The following PCYT1A variants were observed in gnomAD, a reference collection of about 807,000 sequenced individuals.
PCYT1A encodes phosphate cytidylyltransferase 1A, choline.
Under a neutral mutation model 43.7 loss-of-function variants are expected in PCYT1A, and 25 were observed. That is an observed-to-expected ratio of 0.57 (90% CI 0.42 to 0.80). The LOEUF (loss-of-function observed/expected upper bound fraction) is 0.80, where lower values mean the gene tolerates loss of function less well. Ranked by LOEUF, PCYT1A falls within the 30% of genes least tolerant of loss-of-function variation. The pLI is 0.00. For synonymous variants in PCYT1A, 172 were observed against 170.7 expected (o/e 1.01, Z -0.06); for missense variants, 421 against 474.2 (o/e 0.89, Z 1.04).
Position 196,247,966 on chromosome 3 carries a change from G to A in PCYT1A, c.334+241C>T, listed in dbSNP as rs1724622155. 1.8e-6 allele frequency: 1 copy of A among 545,310 alleles called. No homozygotes were observed. The highest frequency in any genetic ancestry group is 2.1e-5 in the South Asian group (1 of 48,384). 33.8% of individuals were successfully genotyped at this position (545,310 alleles called of 1,614,324 possible). A position where few individuals can be genotyped will look rare whatever the true frequency, so the allele number is the denominator to read the frequency against. On this transcript the variant is annotated intron_variant, in intron 4 of 8. Coordinates refer to ENST00000431016, the MANE Select transcript of PCYT1A (RefSeq NM_001312673.2). The surrounding 1 kb of genome is among the most constrained non-coding windows in gnomAD (Gnocchi z 4.8). Reference sequence around the variant, plus strand: ...GACAACGGAAGTCACGGCTGCTCCTGTGACCACAGAAACTCAGCTACAAGC... The same window carrying A: ...GACAACGGAAGTCACGGCTGCTCCTATGACCACAGAAACTCAGCTACAAGC...
Position 196,239,741 on chromosome 3 carries a change from T to A in PCYT1A, c.709-6A>T. On this transcript the variant is annotated splice_polypyrimidine_tract_variant and splice_region_variant and intron_variant, in intron 7 of 8. Coordinates refer to ENST00000431016, the MANE Select transcript of PCYT1A (RefSeq NM_001312673.2). ...TGCAAGTGGTATTTCTTCTCCTAGATAAAGAAATAACTCTTCTGAGAAATA... is the reference window on the plus strand; with the variant it reads ...TGCAAGTGGTATTTCTTCTCCTAGAAAAAGAAATAACTCTTCTGAGAAATA... 6.4e-7 allele frequency: 1 copy of A among 1,572,014 alleles called. No homozygotes were observed. Among genetic ancestry groups the A allele is most frequent in the Non-Finnish European group, 8.8e-7 (1 of 1,142,150 alleles).
intron 2 of PCYT1A, among the ~76,000 whole-genome samples, chr3:196,263,579 G>A (rs546232613): frequency 6.6e-6 from 1 of 152,132 alleles, no homozygotes; most frequent in Admixed American, 6.6e-5. Flanking sequence ...TGTGGTATGA[G>A]AAAGAAGGGA....
chr3:196,257,430 A>ATT (rs1035299673), intron 3 of PCYT1A, among the ~76,000 whole-genome samples: 14 of 152,328 alleles, frequency 9.2e-5, no homozygotes, highest in African/African-American at 3.1e-4. Context: ...GTGGTGGGGA[A>ATT]TTCTGAAGGC....
chr3:196,257,807 T>A lies in PCYT1A; in HGVS notation c.198A>T (p.Glu66Asp), dbSNP rs767556887. The A allele has an allele frequency of 6.2e-7, 1 of 1,606,212 alleles. No homozygotes were observed. The highest frequency in any genetic ancestry group is 8.5e-7 in the Non-Finnish European group (1 of 1,173,012). ...ACTTACAAGGAGTTCCTCTGCTGGC[T>A]TCTTCCATAGTTACCCTGACATAGG... The part of the protein sequence containing the change: ...SKPYVRVTME[E>D]ASRGTPCERP... The change falls in exon 3 of 9, where the codon GAA (glutamate) becomes GAT (aspartate). Residue 66 changes from glutamate to aspartate, a missense_variant. Coordinates refer to ENST00000431016, the MANE Select transcript of PCYT1A (RefSeq NM_001312673.2).
At chr3:196,276,425 G>A (rs1317707528) in intron 1 of PCYT1A, among the ~76,000 whole-genome samples, 8 of 151,814 alleles carry the variant, frequency 5.3e-5, no homozygotes, top group African/African-American at 1.9e-4. Flanking sequence ...GCAACATGGT[G>A]AAACTCCATC....
intron 3 of PCYT1A, among the ~76,000 whole-genome samples, chr3:196,253,930 CCT>C (rs1297882733): frequency 6.7e-6 from 1 of 149,240 alleles, no homozygotes; most frequent in Admixed American, 6.7e-5. Flanking sequence ...TATAATTTTT[CCT>C]GTTTCTATTA....
rs1685494993 is a variant in PCYT1A at position 196,237,775 on chromosome 3, C to T, written c.*913G>A. Reference sequence around the variant, plus strand: ...ATTAATAGCATTCAAATAGGAGTAGCAGGGCCAGGCACTTACTCCCAGTAG... The same window carrying T: ...ATTAATAGCATTCAAATAGGAGTAGTAGGGCCAGGCACTTACTCCCAGTAG... On this transcript the variant is annotated 3_prime_UTR_variant, in exon 9 of 9. Transcript: ENST00000431016. The T allele has an allele frequency of 6.6e-6, 1 of 152,154 alleles. No individual in the cohort carries two copies. Among genetic ancestry groups the T allele is most frequent in the African/African-American group, 2.4e-5 (1 of 41,432 alleles). 9.4% of individuals were successfully genotyped at this position (152,154 alleles called of 1,614,324 possible).
intron 3 of PCYT1A, among the ~76,000 whole-genome samples, chr3:196,255,429 G>A (rs1383118549): frequency 2.0e-5 from 3 of 152,120 alleles, no homozygotes; most frequent in Non-Finnish European, 2.9e-5. Flanking sequence ...ACTTAATGAA[G>A]AAACTATAAA....
Position 196,278,980 on chromosome 3 carries a change from CA to C in PCYT1A, c.-10-8440del, listed in dbSNP as rs148985648. 1.0e-2 allele frequency among the ~76,000 whole-genome samples: 516 copies of C among 51,642 alleles called. 4 individuals are homozygous for C. The highest frequency in any genetic ancestry group is 0.033 in the African/African-American group (421 of 12,596). The allele number at this position is 51,642 out of a possible 152,430, so 33.9% of individuals were successfully genotyped here. On this transcript the variant is annotated intron_variant, in intron 1 of 8. Transcript: ENST00000431016. ...TGGGTGACAGAGCAAGACCTCATCT[CA>C]AAAAAAAAAAAAAAAAAAAAGCTAG... is the stretch of plus-strand genomic sequence containing the variant.
intron 2 of PCYT1A, among the ~76,000 whole-genome samples, chr3:196,267,021 T>TA (rs1021211761): frequency 6.7e-6 from 1 of 150,270 alleles, no homozygotes; most frequent in African/African-American, 2.4e-5. Context: ...AAATAAAAAT[T>TA]AAAAAAAATC....
intron 2 of PCYT1A, among the ~76,000 whole-genome samples, chr3:196,266,187 T>C (rs1417355519): frequency 6.6e-6 from 1 of 151,886 alleles, no homozygotes; most frequent in Non-Finnish European, 1.5e-5. Flanking sequence ...AAATATGCAA[T>C]AAAGGCCAGG....
intron 5 of PCYT1A, among the ~76,000 whole-genome samples, chr3:196,246,637 A>G (rs1724578364): frequency 6.6e-6 from 1 of 152,230 alleles, no homozygotes; most frequent in African/African-American, 2.4e-5. Flanking sequence ...GATTCCACCC[A>G]ATTTCTAGCA....
intron 2 of PCYT1A, among the ~76,000 whole-genome samples, chr3:196,266,968 C>T (rs956409691): frequency 1.3e-5 from 2 of 151,652 alleles, no homozygotes; most frequent in Non-Finnish European, 2.9e-5. Flanking sequence ...GTCAGGAGAT[C>T]GAGACCATCC....
At chr3:196,274,588 A>C (rs1363153890) in intron 1 of PCYT1A, among the ~76,000 whole-genome samples, 1 of 152,254 alleles carries the variant, frequency 6.6e-6, no homozygotes, top group Non-Finnish European at 1.5e-5. Context: ...GATACGGTTC[A>C]GAGAAAAATC....
intron 3 of PCYT1A, 36 bp from the exon 4 acceptor site, chr3:196,248,359 C>A (rs1560165330): frequency 3.2e-6 from 4 of 1,232,786 alleles, no homozygotes; most frequent in East Asian, 4.7e-5. Flanking sequence ...ACAAAAATAC[C>A]TTTTTTTTTG....
At chr3:196,241,245 C>T (rs190248333) in intron 7 of PCYT1A, among the ~76,000 whole-genome samples, 10 of 151,582 alleles carry the variant, frequency 6.6e-5, no homozygotes, top group African/African-American at 2.4e-4. Context: ...TGCAGTGAGC[C>T]GAGATCACGC....
rs1725340435 is a variant in PCYT1A, at chr3:196,268,485, G to GAA, written c.117+1929_117+1930insTT. Reference sequence around the variant, plus strand: ...GCCTGTGACTGTTTTACCATACATGGCAAAAGAGACTCTGCAGGCCAGGCA... The same window carrying GAA: ...GCCTGTGACTGTTTTACCATACATGGAACAAAAGAGACTCTGCAGGCCAGGCA... On this transcript the variant is annotated intron_variant, in intron 2 of 8. Transcript: ENST00000431016. This position sits in a 1 kb window ranked among gnomAD's most constrained non-coding sequence, Gnocchi z 4.4. Among the ~76,000 whole-genome samples the GAA allele has an allele frequency of 4.6e-5, 7 of 152,054 alleles. No homozygotes were observed. The highest frequency in any genetic ancestry group is 1.7e-4 in the African/African-American group (7 of 41,418).
chr3:196,267,630 C>T (rs1725314957), intron 2 of PCYT1A, among the ~76,000 whole-genome samples: 1 of 151,858 alleles, frequency 6.6e-6, no homozygotes, highest in Admixed American at 6.6e-5. Context: ...GGTGAGAGGA[C>T]TGTTTGAGCC....
rs772383758 is a variant in PCYT1A, at chr3:196,241,522, C to T, written c.708+426G>A. 2.2e-5 allele frequency: 29 copies of T among 1,290,508 alleles called. 1 individual carries two copies. In the South Asian group the frequency reaches 3.5e-4, roughly 15 times the overall value. The allele number at this position is 1,290,508 out of a possible 1,614,324, so 79.9% of individuals were successfully genotyped here. A position where few individuals can be genotyped will look rare whatever the true frequency, so the allele number is the denominator to read the frequency against. ...AAAGGCAATATTAAGCTAAGATAAA[C>T]TTAACTTTCGTCAATCCAAATTTAA... On this transcript the variant is annotated intron_variant, in intron 7 of 8. Coordinates refer to ENST00000431016, the MANE Select transcript of PCYT1A (RefSeq NM_001312673.2).
Sources: allele counts gnomAD v4.1 joint callset (sites outside exome capture counted in the v4.1 genomes callset), GRCh38; gene constraint gnomAD v4.1.1; non-coding constraint Gnocchi (gnomAD v3.1); transcripts MANE v1.5; gene names NCBI Gene and HGNC (gene_info 2026-07-23, HGNC 2026-07-21).